CYP2C19: variants seen among roughly 807,000 people sequenced by gnomAD.
CYP2C19 encodes cytochrome P450 family 2 subfamily C member 19, also known as cytochrome P450 2C19.
A neutral mutation model predicts 40.9 loss-of-function variants in CYP2C19; 59 were observed. The observed-to-expected ratio is 1.44, with a 90% CI of 1.17 to 1.79. CYP2C19 has a LOEUF of 1.79. CYP2C19 is among the 40% of genes most tolerant of loss of function. The pLI is 0.00. For missense variants in CYP2C19, 754 were observed against 596.9 expected, an observed-to-expected ratio of 1.26 and a Z score of -2.74; for synonymous variants, 253 against 208.7, an observed-to-expected ratio of 1.21 and a Z score of -1.83.
chr10:94,808,825 C>T (rs1848872563), intron 5 of CYP2C19, among the ~76,000 whole-genome samples: 1 of 152,076 alleles, frequency 6.6e-6, no homozygotes, highest in African/African-American at 2.4e-5. Flanking sequence ...TTTTCTTTAT[C>T]CACTCATCCA....
intron 6 of CYP2C19, among the ~76,000 whole-genome samples, chr10:94,823,521 G>A (rs1310928065): frequency 6.6e-6 from 1 of 152,050 alleles, no homozygotes; most frequent in Non-Finnish European, 1.5e-5. Context: ...TTTTTCTTTT[G>A]CCATCTTAAC....
At chr10:94,852,030 G>A (rs978672120) in intron 8 of CYP2C19, among the ~76,000 whole-genome samples, 3 of 152,200 alleles carry the variant, frequency 2.0e-5, no homozygotes, top group African/African-American at 7.2e-5. Context: ...AGTTCATCTT[G>A]TTCAAAAGGA....
At chr10:94,788,378 G>A (rs1848569546) in intron 5 of CYP2C19, among the ~76,000 whole-genome samples, 1 of 152,028 alleles carries the variant, frequency 6.6e-6, no homozygotes, top group South Asian at 2.1e-4. Flanking sequence ...CTTGAAGACA[G>A]TAGAAGGATG....
chr10:94,850,188 T>G, intron 8 of CYP2C19, 130 bp downstream of exon 8: 1 of 1,098,774 alleles, frequency 9.1e-7, no homozygotes, highest in East Asian at 2.4e-5. Context: ...CTGTTCTGAA[T>G]GCCTGTGTTT....
intron 5 of CYP2C19, among the ~76,000 whole-genome samples, chr10:94,786,382 C>A (rs1381547978): frequency 1.3e-5 from 2 of 151,944 alleles, no homozygotes; most frequent in African/African-American, 4.8e-5. Flanking sequence ...GAAGAGTTTT[C>A]AATTTATTTA....
At chr10:94,788,535 A>G (rs1369220472) in intron 5 of CYP2C19, among the ~76,000 whole-genome samples, 3 of 150,460 alleles carry the variant, frequency 2.0e-5, no homozygotes, top group Admixed American at 1.3e-4. Flanking sequence ...TCCTAATGCT[A>G]TCCCTCCCTG....
chr10:94,831,075 ATTAGTTAAATTCTTT>A (rs1232016852), intron 6 of CYP2C19, among the ~76,000 whole-genome samples: 2 of 152,092 alleles, frequency 1.3e-5, no homozygotes, highest in Non-Finnish European at 2.9e-5. Flanking sequence ...CTTTATGTCC[ATTAGTTAAATTCTTT>A]TTATTTTAGA....
At chr10:94,847,787 G>GGA (rs1849595542) in intron 7 of CYP2C19, among the ~76,000 whole-genome samples, 1 of 152,084 alleles carries the variant, frequency 6.6e-6, no homozygotes, top group Non-Finnish European at 1.5e-5. Flanking sequence ...GTGTGAGATG[G>GGA]TATCTCATTG....
chr10:94,807,125 T>A (rs1216762483), intron 5 of CYP2C19, among the ~76,000 whole-genome samples: 1 of 152,164 alleles, frequency 6.6e-6, no homozygotes, highest in African/African-American at 2.4e-5. Context: ...CATATAAGAA[T>A]AAGAACATGC....
Position 94,820,641 on chromosome 10 carries a change from T to A in CYP2C19, c.961+4T>A. ...CTGAAGCACCCAGAGGTCACAGGTA[T>A]GATCACAGAGGATGAGTTAATTGAG... On this transcript the variant is annotated splice_donor_region_variant and intron_variant, in intron 6 of 8. Transcript: ENST00000371321. 6.2e-7 allele frequency: 1 copy of A among 1,614,200 alleles called. No homozygotes were observed. Among genetic ancestry groups the A allele is most frequent in the Non-Finnish European group, 8.5e-7 (1 of 1,180,014 alleles).
At chr10:94,833,545 A>T (rs1472776584) in intron 6 of CYP2C19, among the ~76,000 whole-genome samples, 1 of 152,082 alleles carries the variant, frequency 6.6e-6, no homozygotes, top group Non-Finnish European at 1.5e-5. Context: ...GGTGCGCTGC[A>T]CCCAAATGTC....
rs562188025 is a variant in CYP2C19, at chr10:94,789,194, T to G, written c.819+7197T>G. ...CTTCACCCACTTTTTGATGGGGTTG[T>G]TTTTTTTTCTTTTAAATTTGTTTAA... is the stretch of plus-strand genomic sequence containing the variant. On this transcript the variant is annotated intron_variant, in intron 5 of 8. Coordinates refer to ENST00000371321, the MANE Select transcript of CYP2C19 (RefSeq NM_000769.4). 1.9e-4 allele frequency among the ~76,000 whole-genome samples: 29 copies of G among 151,046 alleles called. No homozygotes were observed. In the East Asian group the frequency reaches 4.1e-3, roughly 21 times the overall value.
In CYP2C19 at chr10:94,775,071, A is replaced by G. The variant is rs1848387818; in HGVS notation, c.182A>G (p.Tyr61Cys). Residue 61 changes from tyrosine (Y) to cysteine (C), a missense_variant, in exon 2 of 9, where the codon TAT (tyrosine) becomes TGT (cysteine). By Grantham distance (194) the Tyr-to-Cys change is radical. Coordinates refer to ENST00000371321, the MANE Select transcript of CYP2C19 (RefSeq NM_000769.4). ...CTCCTTTTCTAGCTCTCAAAAATCT[A>G]TGGCCCTGTGTTCACTCTGTATTTT... ...SKSLTNLSKI[Y>C]GPVFTLYFGL... 4 of 1,614,102 alleles carry G rather than the reference A, an allele frequency of 2.5e-6. No individual in the cohort carries two copies. Among genetic ancestry groups the G allele is most frequent in the African/African-American group, 1.3e-5 (1 of 75,040 alleles).
At chr10:94,795,418 G>C (rs1239912592) in intron 5 of CYP2C19, among the ~76,000 whole-genome samples, 1 of 151,970 alleles carries the variant, frequency 6.6e-6, no homozygotes. Context: ...GGACATTTGG[G>C]TTGGTTCCAA....
chr10:94,824,805 C>T (rs1292673193), intron 6 of CYP2C19, among the ~76,000 whole-genome samples: 1 of 114,878 alleles, frequency 8.7e-6, no homozygotes, highest in Non-Finnish European at 1.7e-5. Flanking sequence ...ATCCCTCCCC[C>T]CTCCCCCCAC....
At chr10:94,771,539 G>A (rs1848331073) in intron 1 of CYP2C19, among the ~76,000 whole-genome samples, 1 of 152,066 alleles carries the variant, frequency 6.6e-6, no homozygotes, top group African/African-American at 2.4e-5. Flanking sequence ...GAATAGTGGG[G>A]CCAGGCCATA....
intron 1 of CYP2C19, among the ~76,000 whole-genome samples, chr10:94,771,549 A>G (rs1848331293): frequency 6.6e-6 from 1 of 152,124 alleles, no homozygotes; most frequent in Admixed American, 6.5e-5. Flanking sequence ...GCCAGGCCAT[A>G]GTGCAGAAAA....
rs1848265819 is a variant in CYP2C19 at position 94,767,655 on chromosome 10, A to G, written c.168+4782A>G. ...GCTTTGACTACCTGTCGGATTGTCC[A>G]GAGGAGATTTGGCCCTGTAAATAGG... On this transcript the variant is annotated intron_variant, in intron 1 of 8. Transcript: ENST00000371321. 3.3e-5 allele frequency among the ~76,000 whole-genome samples: 5 copies of G among 152,174 alleles called. No homozygotes were observed. In the South Asian group the frequency reaches 1.0e-3, roughly 31 times the overall value.
chr10:94,832,744 G>T (rs1007336500), intron 6 of CYP2C19, among the ~76,000 whole-genome samples: 1 of 151,892 alleles, frequency 6.6e-6, no homozygotes, highest in Non-Finnish European at 1.5e-5. Context: ...TGACTATTCT[G>T]GGTCTTTTGT....
Sources: allele counts gnomAD v4.1 joint callset (sites outside exome capture counted in the v4.1 genomes callset), GRCh38; gene constraint gnomAD v4.1.1; transcripts MANE v1.5; gene names NCBI Gene and HGNC (gene_info 2026-07-23, HGNC 2026-07-21).